SNTB2: variants seen among roughly 807,000 people sequenced by gnomAD.
SNTB2 encodes syntrophin beta 2, also known as beta-2-syntrophin.
Under a neutral mutation model 46.2 loss-of-function variants are expected in SNTB2, and 34 were observed. That is an observed-to-expected ratio of 0.74 (90% CI 0.56 to 0.98). The LOEUF is 0.98. Among genes scored for constraint, SNTB2 ranks in the 50% least tolerant of loss-of-function variants. The pLI is 0.00. For synonymous variants in SNTB2, 290 were observed against 312.6 expected (o/e 0.93, Z 0.76); for missense variants, 603 against 731.4 (o/e 0.82, Z 2.02).
Position 69,250,238 on chromosome 16 carries a change from A to C in SNTB2, c.794+4423A>C, listed in dbSNP as rs550095450. On this transcript the variant is annotated intron_variant, in intron 2 of 6. Coordinates refer to ENST00000336278, the MANE Select transcript of SNTB2 (RefSeq NM_006750.4). ...AGTAGTAGGATTACAAGGAGTTTGC[A>C]AAAAATATGCATAACTTTGGCTATA... 1.8e-4 allele frequency among the ~76,000 whole-genome samples: 28 copies of C among 152,342 alleles called. 1 individual carries two copies. The highest frequency in any genetic ancestry group is 6.8e-3 in the Middle Eastern group (2 of 294).
chr16:69,224,506 C>G (rs986413655), intron 1 of SNTB2, among the ~76,000 whole-genome samples: 2 of 152,172 alleles, frequency 1.3e-5, no homozygotes, highest in Admixed American at 6.5e-5. Flanking sequence ...CCACTGTTTC[C>G]TTTGTAATTA....
intron 1 of SNTB2, among the ~76,000 whole-genome samples, chr16:69,214,623 T>G (rs1243423226): frequency 6.8e-6 from 1 of 146,602 alleles, no homozygotes; most frequent in African/African-American, 2.5e-5. Context: ...ACCTCCCGGG[T>G]TCAAGTGATT....
At chr16:69,286,918 G>A (rs1957268953) in intron 5 of SNTB2, among the ~76,000 whole-genome samples, 1 of 152,088 alleles carries the variant, frequency 6.6e-6, no homozygotes, top group African/African-American at 2.4e-5. Flanking sequence ...CATTTACCAA[G>A]TACTAGATAC....
intron 3 of SNTB2, among the ~76,000 whole-genome samples, chr16:69,268,160 C>T (rs1294547043): frequency 1.3e-5 from 2 of 152,084 alleles, no homozygotes; most frequent in African/African-American, 2.4e-5. Context: ...TAAGCTGAAA[C>T]ATAAACTTCT....
At chr16:69,250,981 GTT>G (rs869256985) in intron 2 of SNTB2, among the ~76,000 whole-genome samples, 5 of 140,706 alleles carry the variant, frequency 3.6e-5, no homozygotes, top group Admixed American at 7.2e-5. Flanking sequence ...TTGTTTATCT[GTT>G]TTTTTTTTTT....
At chr16:69,224,105 A>G (rs920890677) in intron 1 of SNTB2, among the ~76,000 whole-genome samples, 5 of 152,112 alleles carry the variant, frequency 3.3e-5, no homozygotes, top group African/African-American at 7.2e-5. Context: ...TCAGTGTATC[A>G]TATTGGGCAG....
At chr16:69,222,412 G>C (rs941609241) in intron 1 of SNTB2, among the ~76,000 whole-genome samples, 6 of 152,042 alleles carry the variant, frequency 3.9e-5, no homozygotes, top group African/African-American at 1.5e-4. Flanking sequence ...GGCCAACATG[G>C]TGAAACCCCG....
chr16:69,207,058 T>C (rs1027981618), intron 1 of SNTB2, among the ~76,000 whole-genome samples: 4 of 149,656 alleles, frequency 2.7e-5, no homozygotes, highest in Non-Finnish European at 5.9e-5. Flanking sequence ...TGAGCCACAC[T>C]GCGCCTGGCC....
chr16:69,189,432 C>T (rs1394784874), intron 1 of SNTB2, among the ~76,000 whole-genome samples: 1 of 152,048 alleles, frequency 6.6e-6, no homozygotes, highest in Non-Finnish European at 1.5e-5. Context: ...ACAGTTGAAC[C>T]TTGTACACCA....
At chr16:69,272,650 G>A (rs1964948998) in intron 4 of SNTB2, among the ~76,000 whole-genome samples, 1 of 151,564 alleles carries the variant, frequency 6.6e-6, no homozygotes, top group South Asian at 2.1e-4. Context: ...ACAACACTTT[G>A]GGAGGCCAAG....
chr16:69,298,239 C>T (rs1284358724), intron 5 of SNTB2, among the ~76,000 whole-genome samples: 5 of 152,196 alleles, frequency 3.3e-5, no homozygotes, highest in Non-Finnish European at 7.3e-5. Context: ...CCCACCACAC[C>T]TGGGGCATTT....
chr16:69,267,801 T>A (rs1964900195), intron 3 of SNTB2, among the ~76,000 whole-genome samples: 1 of 152,222 alleles, frequency 6.6e-6, no homozygotes, highest in Non-Finnish European at 1.5e-5. Flanking sequence ...TAAGGTTCTC[T>A]GTCATGTCCA....
At position 69,308,676 on chromosome 16, in the gene SNTB2, G is replaced by GA. The variant is rs1269853895; in HGVS notation, c.*7753dup. On this transcript the variant is annotated 3_prime_UTR_variant, in exon 7 of 7. Transcript: ENST00000336278. ...CACTGCTTTCATTTTTAAGTATAAA[G>GA]ACTTAGAAAACTAGAATAATGCTTT... The GA allele has an allele frequency of 9.2e-5, 14 of 152,252 alleles. No homozygotes were observed. Among genetic ancestry groups the GA allele is most frequent in the Non-Finnish European group, 1.6e-4 (11 of 68,010 alleles). The allele number at this position is 152,252 out of a possible 1,614,324, so 9.4% of individuals were successfully genotyped here. A position where few individuals can be genotyped will look rare whatever the true frequency, so the allele number is the denominator to read the frequency against.
intron 5 of SNTB2, among the ~76,000 whole-genome samples, chr16:69,292,353 TTTATATATATATATATATATATATA>T (rs1965167539): frequency 9.0e-5 from 5 of 55,796 alleles, no homozygotes; most frequent in African/African-American, 4.2e-4. Flanking sequence ...CACCTTATTT[TTTATATATATATATATATATATATA>T]TTATATATAT....
intron 5 of SNTB2, among the ~76,000 whole-genome samples, chr16:69,291,700 C>T (rs143399255): frequency 1.4e-4 from 21 of 152,004 alleles, no homozygotes; most frequent in African/African-American, 5.1e-4. Flanking sequence ...CAGAATGAGA[C>T]CCTGTCTCTA....
chr16:69,277,297 T>C (rs1363842409), intron 4 of SNTB2, among the ~76,000 whole-genome samples: 1 of 152,224 alleles, frequency 6.6e-6, no homozygotes, highest in Non-Finnish European at 1.5e-5. Flanking sequence ...AGCTTCTCAG[T>C]ACTTGCTTTT....
At chr16:69,245,907 C>T (rs1964666509) in intron 2 of SNTB2, 92 bp downstream of exon 2, 2 of 1,258,974 alleles carry the variant, frequency 1.6e-6, no homozygotes, top group South Asian at 2.6e-5. Context: ...CTCAGTTATA[C>T]AGAGGAAAAC....
At chr16:69,213,407 A>G (rs1028152166) in intron 1 of SNTB2, among the ~76,000 whole-genome samples, 4 of 152,126 alleles carry the variant, frequency 2.6e-5, no homozygotes, top group African/African-American at 7.2e-5. Flanking sequence ...GTCCACTACT[A>G]TGAGAATTTC....
chr16:69,299,669 CT>C lies in SNTB2; in HGVS notation c.1426del (p.Ser476ProfsTer13). On this transcript the variant is annotated frameshift_variant, in exon 6 of 7. Coordinates refer to ENST00000336278, the MANE Select transcript of SNTB2 (RefSeq NM_006750.4). LOFTEE classifies it high-confidence loss of function. ...GFTISRENGG[S>X]SSILYRYPFE... ...TCACCATCTCAAGGGAAAATGGAGG[CT>C]CCAGCAGCATATTGTACCGCTACCC... 6.2e-7 allele frequency: 1 copy of C among 1,614,116 alleles called. No homozygotes were observed. Among genetic ancestry groups the C allele is most frequent in the Non-Finnish European group, 8.5e-7 (1 of 1,180,016 alleles).
Sources: allele counts gnomAD v4.1 joint callset (sites outside exome capture counted in the v4.1 genomes callset), GRCh38; gene constraint gnomAD v4.1.1; transcripts MANE v1.5; gene names NCBI Gene and HGNC (gene_info 2026-07-23, HGNC 2026-07-21).